The following ESRRG variants were observed in gnomAD, a reference collection of about 807,000 sequenced individuals.
ESRRG encodes the protein estrogen related receptor gamma, also known as estrogen-related receptor gamma.
Under a neutral mutation model 44.0 loss-of-function variants are expected in ESRRG, and 13 were observed. The ratio of observed to expected loss-of-function variants is 0.30; its 90% CI spans 0.19 to 0.47. The LOEUF is 0.47. Among genes scored for constraint, ESRRG ranks in the 20% least tolerant of loss-of-function variants. The pLI, the probability that ESRRG is intolerant of heterozygous loss-of-function variation, is 1.00. For synonymous variants in ESRRG, 215 were observed against 214.6 expected (o/e 1.00, Z -0.02); for missense variants, 395 against 580.6 (o/e 0.68, Z 3.29).
At chr1:216,829,897 C>T (rs1015499072) in intron 2 of ESRRG, among the ~76,000 whole-genome samples, 10 of 152,104 alleles carry the variant, frequency 6.6e-5, no homozygotes, top group Non-Finnish European at 4.4e-5. Context: ...TGCCTTCTCA[C>T]CTCAGGAGGG....
intron 1 of ESRRG, among the ~76,000 whole-genome samples, chr1:217,128,863 T>C (rs973551323): frequency 2.0e-5 from 3 of 152,194 alleles, no homozygotes; most frequent in African/African-American, 7.2e-5. Flanking sequence ...ATGTGTAATG[T>C]CTTTATTGTT....
intron 1 of ESRRG, among the ~76,000 whole-genome samples, chr1:216,940,021 T>C (rs1170046616): frequency 1.3e-5 from 2 of 152,088 alleles, no homozygotes; most frequent in African/African-American, 2.4e-5. Context: ...ATAATACCCA[T>C]ATATAACTTT....
At chr1:216,651,367 G>T (rs928551850) in intron 2 of ESRRG, among the ~76,000 whole-genome samples, 2 of 152,138 alleles carry the variant, frequency 1.3e-5, no homozygotes, top group East Asian at 3.8e-4. Flanking sequence ...TGCAAAGTAA[G>T]AGTCTTCCAG....
Position 216,967,982 on chromosome 1 carries a change from C to T in ESRRG, c.-105-28309G>A, listed in dbSNP as rs192581476. Reference sequence around the variant, plus strand: ...TTCATTGTTGTTTTAATTTGAAATTCCTGAGTCACATCATATGATGTTGAT... The same window carrying T: ...TTCATTGTTGTTTTAATTTGAAATTTCTGAGTCACATCATATGATGTTGAT... On this transcript the variant is annotated intron_variant, in intron 1 of 7. Coordinates refer to the ESRRG transcript ENST00000359162. Among the ~76,000 whole-genome samples the T allele has an allele frequency of 3.2e-3, 492 of 152,182 alleles. 1 individual carries two copies. The highest frequency in any genetic ancestry group is 0.011 in the African/African-American group (476 of 41,552).
chr1:216,786,192 T>G (rs1036710873), intron 2 of ESRRG, among the ~76,000 whole-genome samples: 2 of 152,076 alleles, frequency 1.3e-5, no homozygotes, highest in African/African-American at 4.8e-5. Context: ...TATTGTTTAA[T>G]TGTTGCAATT....
At chr1:217,133,050 T>G (rs1346222258) in intron 1 of ESRRG, among the ~76,000 whole-genome samples, 2 of 152,054 alleles carry the variant, frequency 1.3e-5, no homozygotes, top group Admixed American at 1.3e-4. Context: ...CCCCAGACTG[T>G]GAGGAAAGAC....
chr1:216,855,344 C>T (rs1025459889), intron 2 of ESRRG, among the ~76,000 whole-genome samples: 6 of 152,202 alleles, frequency 3.9e-5, no homozygotes, highest in Middle Eastern at 6.8e-3. Context: ...GTTACTGTAG[C>T]TGACTTGAAT....
At chr1:216,798,700 T>C (rs1327200078) in intron 2 of ESRRG, among the ~76,000 whole-genome samples, 1 of 152,028 alleles carries the variant, frequency 6.6e-6, no homozygotes, top group Non-Finnish European at 1.5e-5. Flanking sequence ...AGAGTAGGGA[T>C]TGTGGTGATA....
At chr1:216,541,881 C>T (rs2052908107) in intron 5 of ESRRG, among the ~76,000 whole-genome samples, 2 of 151,868 alleles carry the variant, frequency 1.3e-5, no homozygotes, top group East Asian at 2.0e-4. Context: ...CTTGTGCATC[C>T]CTGAGAGTGA....
chr1:217,071,835 G>GAGT (rs1013810964), intron 1 of ESRRG, among the ~76,000 whole-genome samples: 2 of 152,154 alleles, frequency 1.3e-5, no homozygotes, highest in African/African-American at 4.8e-5. Flanking sequence ...GAGAGATGAA[G>GAGT]AGTAGTTCAG....
At chr1:216,538,010 C>T (rs2051520446) in intron 5 of ESRRG, among the ~76,000 whole-genome samples, 1 of 152,050 alleles carries the variant, frequency 6.6e-6, no homozygotes, top group African/African-American at 2.4e-5. Flanking sequence ...CCCTTCCTTT[C>T]TGCAGGCAAA....
At chr1:217,130,251 G>C (rs553730099) in intron 1 of ESRRG, among the ~76,000 whole-genome samples, 18 of 152,272 alleles carry the variant, frequency 1.2e-4, no homozygotes, top group African/African-American at 4.1e-4. Flanking sequence ...TATTTATAGA[G>C]AGAGGGGGTC....
intron 1 of ESRRG, among the ~76,000 whole-genome samples, chr1:216,941,574 T>A (rs1055688974): frequency 6.6e-6 from 1 of 152,102 alleles, no homozygotes; most frequent in African/African-American, 2.4e-5. Flanking sequence ...GAGATTCGGT[T>A]TGTGGGCGAG....
At chr1:216,703,649 A>AT in intron 1 of ESRRG, among the ~76,000 whole-genome samples, 1 of 127,446 alleles carries the variant, frequency 7.8e-6, no homozygotes, top group Middle Eastern at 3.7e-3. Context: ...ATGTTTTCAA[A>AT]GCTGGATAGA....
intron 3 of ESRRG, among the ~76,000 whole-genome samples, chr1:216,601,203 T>C (rs1215544288): frequency 6.6e-6 from 1 of 151,946 alleles, no homozygotes; most frequent in Non-Finnish European, 1.5e-5. Context: ...GCTCGCTCCA[T>C]GGACAGCTGG....
At chr1:216,602,860 A>G (rs73089946) in intron 3 of ESRRG, among the ~76,000 whole-genome samples, 5,075 of 152,320 alleles carry the variant, frequency 0.033, 267 homozygotes, top group African/African-American at 0.11. Context: ...ATACTTGATC[A>G]ATAATCTGAC....
At chr1:217,010,932 T>A (rs2078488890) in intron 1 of ESRRG, among the ~76,000 whole-genome samples, 1 of 152,180 alleles carries the variant, frequency 6.6e-6, no homozygotes. Context: ...TTGAGACAGA[T>A]TAGATCTTAA....
At chr1:217,031,934 T>G (rs1253398494) in intron 1 of ESRRG, among the ~76,000 whole-genome samples, 1 of 152,196 alleles carries the variant, frequency 6.6e-6, no homozygotes, top group Non-Finnish European at 1.5e-5. Context: ...TATAAATTAC[T>G]CAGTCTTCAG....
At chr1:216,931,226 C>T (rs1254342998) in intron 2 of ESRRG, among the ~76,000 whole-genome samples, 1 of 152,086 alleles carries the variant, frequency 6.6e-6, no homozygotes, top group Non-Finnish European at 1.5e-5. Flanking sequence ...CTTGTCCATC[C>T]CTAATCATTT....
Sources: gnomAD v4.1 joint callset for allele counts (sites outside exome capture counted in the v4.1 genomes callset) on GRCh38, gnomAD v4.1.1 for gene constraint, MANE v1.5 for transcripts, NCBI Gene and HGNC (gene_info 2026-07-23, HGNC 2026-07-21) for gene names.